TSTD2: variants seen among roughly 807,000 people sequenced by gnomAD.
The protein encoded by TSTD2 is thiosulfate sulfurtransferase/rhodanese-like domain-containing protein 2.
TSTD2 carries 37 observed loss-of-function variants against 47.9 expected under a neutral mutation model. That is an observed-to-expected ratio of 0.77 (90% CI 0.59 to 1.02). The LOEUF is 1.02. Ranked by LOEUF, TSTD2 falls within the 50% of genes least tolerant of loss-of-function variation. TSTD2 has a pLI of 0.00. For synonymous variants in TSTD2, 201 were observed against 215.9 expected, an observed-to-expected ratio of 0.93 and a Z score of 0.61; for missense variants, 586 against 616.0, an observed-to-expected ratio of 0.95 and a Z score of 0.52.
intron 3 of TSTD2, among the ~76,000 whole-genome samples, chr9:97,619,458 G>A (rs1345108572): frequency 6.6e-6 from 1 of 152,070 alleles, no homozygotes; most frequent in African/African-American, 2.4e-5. Context: ...AGACCTTTAT[G>A]ACGAACCATT....
chr9:97,607,178 T>C (rs865947122), intron 6 of TSTD2, among the ~76,000 whole-genome samples: 1 of 151,988 alleles, frequency 6.6e-6, no homozygotes, highest in Non-Finnish European at 1.5e-5. Flanking sequence ...AAAATATATA[T>C]ACAAAGGGAC....
At chr9:97,610,134 G>A in intron 6 of TSTD2, 1 of 396,730 alleles carries the variant, frequency 2.5e-6, no homozygotes, top group Non-Finnish European at 4.6e-6. Flanking sequence ...TCACCAAGAG[G>A]AATAAGATAG....
chr9:97,601,594 G>T lies in TSTD2; in HGVS notation c.*875C>A. 1 of 987,176 alleles carries T rather than the reference G, an allele frequency of 1.0e-6. No homozygotes were observed. Among genetic ancestry groups the T allele is most frequent in the Non-Finnish European group, 1.2e-6 (1 of 831,216 alleles). The allele number at this position is 987,176 out of a possible 1,614,324, so 61.2% of individuals were successfully genotyped here. A position where few individuals can be genotyped will look rare whatever the true frequency, so the allele number is the denominator to read the frequency against. On this transcript the variant is annotated 3_prime_UTR_variant, in exon 10 of 10. Transcript: ENST00000341170. The stretch of plus-strand genomic sequence containing the variant: ...GATGAGCTGCTGGTCTAGATCAGGG[G>T]CTGGCAAACTTTTCTGTAAAAGGCC...
At position 97,625,744 on chromosome 9, in the gene TSTD2, T is replaced by C; in HGVS notation, c.419A>G (p.His140Arg). 2.5e-6 allele frequency: 4 copies of C among 1,614,154 alleles called. No individual in the cohort carries two copies. In the Middle Eastern group the frequency reaches 4.9e-4, roughly 200 times the overall value. Residue 140 changes from histidine to arginine, a missense_variant, in exon 3 of 10, where the codon CAT (histidine) becomes CGT (arginine). Transcript: ENST00000341170. ...GAGCCAAGCAGACACGTCATGGCTA[T>C]GTGGAAGGCACTCTTTTAAAGGGTT... ...EKNPLKECLP[H>R]SHDVSAWLPD...
intron 3 of TSTD2, among the ~76,000 whole-genome samples, chr9:97,620,682 A>G (rs1186482839): frequency 6.6e-6 from 1 of 152,192 alleles, no homozygotes; most frequent in Non-Finnish European, 1.5e-5. Context: ...TGGGAACTGG[A>G]GCAAAGGTGA....
intron 1 of TSTD2, among the ~76,000 whole-genome samples, chr9:97,632,435 G>C (rs1826841772): frequency 6.6e-6 from 1 of 151,864 alleles, no homozygotes; most frequent in South Asian, 2.1e-4. Flanking sequence ...TGCAGTGTGC[G>C]ATCACCGCTC....
rs1484544553 is a variant in TSTD2 at position 97,610,428 on chromosome 9, AC to A, written c.752del (p.Cys251PhefsTer41). 6.3e-7 allele frequency: 1 copy of A among 1,582,808 alleles called. No homozygotes were observed. On this transcript the variant is annotated frameshift_variant, in exon 6 of 10. Coordinates refer to ENST00000341170, the MANE Select transcript of TSTD2 (RefSeq NM_139246.5). LOFTEE classifies it high-confidence loss of function. ...DFKTSKGGAH[C>X]FPELRVGVFE... is the part of the protein sequence containing the mutation. ...ATACACCAACACGCAATTCTGGAAA[AC>A]AGTGAGCTCCTCCTTTGCTGGTCTA... is the stretch of plus-strand genomic sequence containing the variant.
Position 97,625,830 on chromosome 9 carries a change from A to G in TSTD2, c.333T>C (p.Ile111=). The G allele has an allele frequency of 1.9e-6, 3 of 1,614,206 alleles. No individual in the cohort carries two copies. Among genetic ancestry groups the G allele is most frequent in the Non-Finnish European group, 2.5e-6 (3 of 1,180,008 alleles). The change falls in exon 3 of 10, where the codon ATT becomes ATC. Residue 111 remains isoleucine (I), a synonymous_variant. Coordinates refer to ENST00000341170, the MANE Select transcript of TSTD2 (RefSeq NM_139246.5). ...ADEIYHQTAS[I]LKQLAVTLST... ...TCAATGTCACAGCCAGTTGCTTTAAAATAGAAGCTGTCTGGTGATAAATTT... is the reference window on the plus strand; with the variant it reads ...TCAATGTCACAGCCAGTTGCTTTAAGATAGAAGCTGTCTGGTGATAAATTT...
At chr9:97,612,422 A>G (rs1412008816) in intron 4 of TSTD2, among the ~76,000 whole-genome samples, 2 of 152,186 alleles carry the variant, frequency 1.3e-5, no homozygotes, top group Non-Finnish European at 2.9e-5. Context: ...GAATTACCAC[A>G]TTGTCTTCCA....
chr9:97,605,009 C>A, intron 8 of TSTD2, 144 bp from the exon 9 acceptor site: 2 of 1,424,226 alleles, frequency 1.4e-6, no homozygotes, highest in Non-Finnish European at 9.2e-7. Flanking sequence ...GCTCCCACTG[C>A]GGGACACTGA....
intron 4 of TSTD2, among the ~76,000 whole-genome samples, chr9:97,613,895 C>T (rs1219076116): frequency 6.8e-6 from 1 of 146,720 alleles, no homozygotes; most frequent in Non-Finnish European, 1.5e-5. Flanking sequence ...GTGGTGCAAT[C>T]TCGGCTCACT....
chr9:97,610,928 C>CT lies in TSTD2; in HGVS notation c.730-478dup, dbSNP rs569380936. ...CCAGATTTACTAAAAACACAGTGAT[C>CT]TGCTGACCAGGCTGGTGGTCTCTCA... On this transcript the variant is annotated intron_variant, in intron 5 of 9. Coordinates refer to ENST00000341170, the MANE Select transcript of TSTD2 (RefSeq NM_139246.5). 1.8e-3 allele frequency: 271 copies of CT among 152,664 alleles called. 1 individual carries two copies. The highest frequency in any genetic ancestry group is 3.2e-3 in the Non-Finnish European group (220 of 68,308). The allele number at this position is 152,664 out of a possible 1,614,324, so 9.5% of individuals were successfully genotyped here.
intron 1 of TSTD2, among the ~76,000 whole-genome samples, chr9:97,630,834 T>C (rs1005043318): frequency 6.6e-6 from 1 of 152,188 alleles, no homozygotes; most frequent in Non-Finnish European, 1.5e-5. Context: ...ATAAAGGAAA[T>C]TTTCTGTTTA....
At chr9:97,612,357 T>C (rs1826473107) in intron 4 of TSTD2, among the ~76,000 whole-genome samples, 1 of 152,258 alleles carries the variant, frequency 6.6e-6, no homozygotes, top group Non-Finnish European at 1.5e-5. Flanking sequence ...TTTGGGTACA[T>C]ACCCAGTAAT....
At chr9:97,631,810 C>G (rs1274201565) in intron 1 of TSTD2, among the ~76,000 whole-genome samples, 1 of 151,962 alleles carries the variant, frequency 6.6e-6, no homozygotes, top group African/African-American at 2.4e-5. Flanking sequence ...TGCCACTGCA[C>G]TCCAGCCTGG....
intron 9 of TSTD2, chr9:97,603,014 T>TC: frequency 2.4e-6 from 1 of 408,234 alleles, no homozygotes; most frequent in African/African-American, 2.1e-5. Flanking sequence ...TTTTTCTTTT[T>TC]CCCATCTAGA....
intron 3 of TSTD2, among the ~76,000 whole-genome samples, chr9:97,625,272 C>T (rs1412941080): frequency 1.3e-5 from 2 of 152,162 alleles, no homozygotes; most frequent in East Asian, 3.8e-4. Context: ...GTTCATAGCA[C>T]TTTATTGTCG....
chr9:97,613,683 GA>G (rs1393892248), intron 4 of TSTD2, among the ~76,000 whole-genome samples: 2 of 152,094 alleles, frequency 1.3e-5, no homozygotes, highest in African/African-American at 4.8e-5. Flanking sequence ...TCTGGAAAAA[GA>G]GATGATTTAA....
intron 3 of TSTD2, among the ~76,000 whole-genome samples, chr9:97,620,339 G>A (rs1369608892): frequency 6.6e-6 from 1 of 152,190 alleles, no homozygotes; most frequent in Non-Finnish European, 1.5e-5. Context: ...CCCCTGCCAT[G>A]TGGAACTGTA....
Sources: gnomAD v4.1 joint callset for allele counts (sites outside exome capture counted in the v4.1 genomes callset) on GRCh38, gnomAD v4.1.1 for gene constraint, MANE v1.5 for transcripts, NCBI Gene and HGNC (gene_info 2026-07-23, HGNC 2026-07-21) for gene names.